AP3B1: variants seen among roughly 807,000 people sequenced by gnomAD.
AP3B1 encodes AP-3 complex subunit beta-1.
A neutral mutation model predicts 132.5 loss-of-function variants in AP3B1; 61 were observed. The observed-to-expected ratio is 0.46, with a 90% CI of 0.37 to 0.57. AP3B1 has a LOEUF of 0.57. Among genes scored for constraint, AP3B1 ranks in the 20% least tolerant of loss-of-function variants. The pLI, the probability that AP3B1 is intolerant of heterozygous loss-of-function variation, is 0.00. For synonymous variants in AP3B1, 388 were observed against 438.3 expected (o/e 0.89, Z 1.43); for missense variants, 1,120 against 1,289.4 (o/e 0.87, Z 2.01).
chr5:78,238,763 C>T (rs1450218368), intron 3 of AP3B1, among the ~76,000 whole-genome samples: 1 of 150,266 alleles, frequency 6.7e-6, no homozygotes, highest in Non-Finnish European at 1.5e-5. Context: ...GAATAGAAGA[C>T]AAAAATAAAA....
chr5:78,010,770 A>G (rs1008820873), intron 26 of AP3B1, among the ~76,000 whole-genome samples: 1 of 152,142 alleles, frequency 6.6e-6, no homozygotes, highest in African/African-American at 2.4e-5. Context: ...ATACTGGTTT[A>G]ATGCTGTCCA....
chr5:78,094,821 C>G (rs953380324), intron 21 of AP3B1, among the ~76,000 whole-genome samples: 1 of 152,104 alleles, frequency 6.6e-6, no homozygotes, highest in Non-Finnish European at 1.5e-5. Context: ...ACTGGGATTA[C>G]AGGTGTGCAC....
At chr5:78,121,724 G>T (rs757322685) in intron 17 of AP3B1, 1 of 152,168 alleles carries the variant, frequency 6.6e-6, no homozygotes, top group Non-Finnish European at 1.5e-5. Flanking sequence ...ACCAAAAAAA[G>T]TCCAGGACCA....
intron 16 of AP3B1, 80 bp from the exon 17 acceptor site, chr5:78,128,240 T>A (rs1324645527): frequency 1.6e-6 from 2 of 1,272,762 alleles, no homozygotes; most frequent in Non-Finnish European, 2.2e-6. Flanking sequence ...GAGCTCAAGG[T>A]AATTGGCATA....
chr5:78,136,034 G>A (rs953604547), intron 15 of AP3B1, among the ~76,000 whole-genome samples: 3 of 151,864 alleles, frequency 2.0e-5, no homozygotes, highest in African/African-American at 4.8e-5. Context: ...AAAGAGGGGC[G>A]GGGAGATTTC....
chr5:78,073,580 T>A (rs531961095), intron 22 of AP3B1, among the ~76,000 whole-genome samples: 1 of 152,302 alleles, frequency 6.6e-6, no homozygotes, highest in South Asian at 2.1e-4. Flanking sequence ...GAACTGTTTT[T>A]TAAAAGATAG....
At chr5:78,019,658 C>T (rs1747008537) in intron 25 of AP3B1, among the ~76,000 whole-genome samples, 1 of 152,044 alleles carries the variant, frequency 6.6e-6, no homozygotes. Flanking sequence ...TTTTTTATTG[C>T]TTAAATAATG....
intron 7 of AP3B1, among the ~76,000 whole-genome samples, chr5:78,191,000 T>G (rs1016549872): frequency 2.6e-5 from 4 of 152,206 alleles, no homozygotes; most frequent in Admixed American, 1.3e-4. Context: ...CATAATGTAT[T>G]GTTTGGGGAA....
At chr5:78,140,560 A>T (rs1753101383) in intron 15 of AP3B1, among the ~76,000 whole-genome samples, 1 of 152,162 alleles carries the variant, frequency 6.6e-6, no homozygotes, top group Non-Finnish European at 1.5e-5. Flanking sequence ...GCTCTCAGGG[A>T]TCTCTTTTCT....
At chr5:78,074,012 T>C (rs1749657911) in intron 22 of AP3B1, among the ~76,000 whole-genome samples, 1 of 152,210 alleles carries the variant, frequency 6.6e-6, no homozygotes, top group Non-Finnish European at 1.5e-5. Flanking sequence ...TAGCATCTGA[T>C]TCAGCGGATT....
intron 26 of AP3B1, among the ~76,000 whole-genome samples, chr5:78,010,967 AAT>A (rs920378787): frequency 2.6e-5 from 4 of 152,046 alleles, no homozygotes; most frequent in African/African-American, 9.7e-5. Flanking sequence ...TCATTTTTGT[AAT>A]ACTCCTTATC....
chr5:78,038,852 A>G (rs1257392440), intron 23 of AP3B1, among the ~76,000 whole-genome samples, 191 bp downstream of exon 23: 1 of 152,228 alleles, frequency 6.6e-6, no homozygotes, highest in African/African-American at 2.4e-5. Flanking sequence ...ACTAAGAGCA[A>G]AGAAATGTAT....
intron 21 of AP3B1, among the ~76,000 whole-genome samples, chr5:78,096,740 G>A (rs1397617224): frequency 6.7e-6 from 1 of 149,996 alleles, no homozygotes; most frequent in East Asian, 2.0e-4. Context: ...CCCGGCAACT[G>A]CCCCGTCTGA....
rs578249382 is a variant in AP3B1 at position 78,283,046 on chromosome 5, T to C, written c.128+11406A>G. On this transcript the variant is annotated intron_variant, in intron 1 of 26. Transcript: ENST00000255194. ...ATGAAAACAAAACTTTAAATGACTT[T>C]AATGGTGTTATAATGGTAATCATAA... 2.6e-5 allele frequency among the ~76,000 whole-genome samples: 4 copies of C among 152,246 alleles called. No homozygotes were observed. In the South Asian group the frequency reaches 8.3e-4, roughly 32 times the overall value.
At chr5:78,214,047 A>G (rs549956484) in intron 7 of AP3B1, among the ~76,000 whole-genome samples, 1 of 152,312 alleles carries the variant, frequency 6.6e-6, no homozygotes, top group African/African-American at 2.4e-5. Context: ...GCACATCCTG[A>G]GGGCTGATGT....
intron 5 of AP3B1, among the ~76,000 whole-genome samples, chr5:78,227,003 C>G (rs1746424749): frequency 6.6e-6 from 1 of 151,882 alleles, no homozygotes; most frequent in Non-Finnish European, 1.5e-5. Flanking sequence ...GAGGATCAGA[C>G]ACTTAAGATT....
chr5:78,240,342 A>G (rs760503140), intron 3 of AP3B1, among the ~76,000 whole-genome samples: 1 of 152,182 alleles, frequency 6.6e-6, no homozygotes, highest in Non-Finnish European at 1.5e-5. Context: ...ATACTAGACT[A>G]TATTAGTGTA....
chr5:78,210,589 A>G (rs971528520), intron 7 of AP3B1, among the ~76,000 whole-genome samples: 1 of 152,180 alleles, frequency 6.6e-6, no homozygotes, highest in African/African-American at 2.4e-5. Flanking sequence ...TTCATATTCT[A>G]AAAAATAATG....
chr5:78,031,201 C>G (rs936548978), intron 24 of AP3B1, among the ~76,000 whole-genome samples: 2 of 152,146 alleles, frequency 1.3e-5, no homozygotes, highest in Non-Finnish European at 2.9e-5. Context: ...ACTGAGTTAG[C>G]AACTATCATT....
Sources: gnomAD v4.1 joint callset for allele counts (sites outside exome capture counted in the v4.1 genomes callset) on GRCh38, gnomAD v4.1.1 for gene constraint, MANE v1.5 for transcripts, NCBI Gene and HGNC (gene_info 2026-07-23, HGNC 2026-07-21) for gene names.